The following RALGAPA1 variants were observed in gnomAD, a reference collection of about 807,000 sequenced individuals.
RALGAPA1 encodes the protein ral GTPase-activating protein subunit alpha-1.
RALGAPA1 carries 52 observed loss-of-function variants against 269.6 expected under a neutral mutation model. The observed-to-expected ratio is 0.19, with a 90% CI of 0.15 to 0.24. The LOEUF is 0.24. RALGAPA1 is among the 10% of genes least tolerant of loss of function. RALGAPA1 has a pLI of 1.00. For missense variants in RALGAPA1, 1,917 were observed against 3,013.9 expected, an observed-to-expected ratio of 0.64 and a Z score of 8.52; for synonymous variants, 817 against 1,008.3, an observed-to-expected ratio of 0.81 and a Z score of 3.60.
intron 28 of RALGAPA1, 118 bp downstream of exon 28, chr14:35,659,020 T>A (rs1460381610): frequency 3.9e-6 from 2 of 518,810 alleles, no homozygotes; most frequent in Non-Finnish European, 6.5e-6. Flanking sequence ...AACTTAAAAT[T>A]GTAATTCAGA....
intron 17 of RALGAPA1, among the ~76,000 whole-genome samples, chr14:35,691,413 A>G (rs1025335673): frequency 2.6e-5 from 4 of 152,226 alleles, no homozygotes; most frequent in Non-Finnish European, 5.9e-5. Flanking sequence ...GCAAAATATA[A>G]TGAAGAAAGG....
At chr14:35,622,550 G>A (rs944288221) in intron 35 of RALGAPA1, among the ~76,000 whole-genome samples, 8 of 152,042 alleles carry the variant, frequency 5.3e-5, no homozygotes, top group Non-Finnish European at 1.2e-4. Flanking sequence ...CTTACAATGT[G>A]CCCACAAAAA....
intron 36 of RALGAPA1, among the ~76,000 whole-genome samples, chr14:35,601,347 T>C (rs2059281070): frequency 1.3e-5 from 2 of 152,178 alleles, no homozygotes; most frequent in African/African-American, 4.8e-5. Context: ...GATTTCTACT[T>C]GGCCTTCTCT....
intron 17 of RALGAPA1, among the ~76,000 whole-genome samples, chr14:35,695,484 TCAAATAATAA>T (rs1047631672): frequency 1.9e-4 from 29 of 152,186 alleles, no homozygotes; most frequent in African/African-American, 7.0e-4. Context: ...AGAGCTCAAT[TCAAATAATAA>T]CATATCGTTA....
At chr14:35,752,981 T>C (rs1254297283) in intron 7 of RALGAPA1, among the ~76,000 whole-genome samples, 1 of 152,148 alleles carries the variant, frequency 6.6e-6, no homozygotes, top group Non-Finnish European at 1.5e-5. Context: ...TGAATTAACA[T>C]TAAGATAGAT....
chr14:35,677,637 T>A (rs976873361), intron 22 of RALGAPA1: 1 of 271,454 alleles, frequency 3.7e-6, no homozygotes, highest in African/African-American at 2.3e-5. Flanking sequence ...AAACTAAGAA[T>A]AAGGATGCCA....
intron 4 of RALGAPA1, among the ~76,000 whole-genome samples, 196 bp from the exon 5 acceptor site, chr14:35,762,949 T>C (rs1262915044): frequency 6.6e-6 from 1 of 152,198 alleles, no homozygotes; most frequent in East Asian, 1.9e-4. Flanking sequence ...ACATGCTTTA[T>C]TGCAATTAAA....
At chr14:35,565,354 T>TA (rs1220731351) in intron 39 of RALGAPA1, among the ~76,000 whole-genome samples, 2 of 150,462 alleles carry the variant, frequency 1.3e-5, no homozygotes, top group African/African-American at 4.9e-5. Flanking sequence ...ACATATATTA[T>TA]ACTCTTAATT....
chr14:35,612,828 G>A (rs919690814), intron 35 of RALGAPA1, among the ~76,000 whole-genome samples: 15 of 151,724 alleles, frequency 9.9e-5, no homozygotes, highest in East Asian at 7.8e-4. Flanking sequence ...GTGAGCCACC[G>A]TGCCCGGCCT....
chr14:35,773,626 C>T (rs1054874017), intron 3 of RALGAPA1, among the ~76,000 whole-genome samples: 5 of 152,070 alleles, frequency 3.3e-5, no homozygotes, highest in African/African-American at 9.7e-5. Flanking sequence ...CATTAGCTTG[C>T]TTTCTCTGTG....
At chr14:35,623,472 G>A (rs2060780488) in intron 35 of RALGAPA1, among the ~76,000 whole-genome samples, 1 of 151,846 alleles carries the variant, frequency 6.6e-6, no homozygotes, top group African/African-American at 2.4e-5. Context: ...CTACAAATAT[G>A]TGGAAAATAT....
At chr14:35,645,686 C>T (rs749317700) in intron 31 of RALGAPA1, among the ~76,000 whole-genome samples, 15 of 148,824 alleles carry the variant, frequency 1.0e-4, no homozygotes, top group Admixed American at 4.7e-4. Context: ...GCCGAGATCG[C>T]GCCGGGGCAC....
chr14:35,786,903 C>T (rs185683285), intron 1 of RALGAPA1, among the ~76,000 whole-genome samples: 4 of 152,104 alleles, frequency 2.6e-5, no homozygotes. Context: ...GTTTGTGGGA[C>T]GTACATCTCA....
intron 16 of RALGAPA1, among the ~76,000 whole-genome samples, chr14:35,713,894 G>A (rs2068579906): frequency 6.6e-6 from 1 of 152,090 alleles, no homozygotes; most frequent in African/African-American, 2.4e-5. Flanking sequence ...CCAGGAGTTC[G>A]AGACCAGCCT....
intron 1 of RALGAPA1, among the ~76,000 whole-genome samples, chr14:35,804,614 TAGTG>T (rs942601888): frequency 3.4e-5 from 5 of 146,212 alleles, no homozygotes; most frequent in Admixed American, 6.8e-5. Context: ...AATAAATAAA[TAGTG>T]AGTAACTATT....
chr14:35,745,263 A>T (rs1222583267), intron 10 of RALGAPA1, among the ~76,000 whole-genome samples: 1 of 152,212 alleles, frequency 6.6e-6, no homozygotes, highest in Non-Finnish European at 1.5e-5. Flanking sequence ...GACCTGGAAT[A>T]ATCTTGACAA....
chr14:35,614,264 A>G (rs1566826418), intron 35 of RALGAPA1, among the ~76,000 whole-genome samples: 1 of 152,246 alleles, frequency 6.6e-6, no homozygotes, highest in Non-Finnish European at 1.5e-5. Context: ...AAAACTGTAC[A>G]TGAATGTTCA....
chr14:35,640,094 G>A (rs542179101), intron 31 of RALGAPA1, among the ~76,000 whole-genome samples: 1 of 152,178 alleles, frequency 6.6e-6, no homozygotes, highest in African/African-American at 2.4e-5. Context: ...GCAGTACTAA[G>A]AGGGAAGTTT....
chr14:35,737,052 A>T lies in RALGAPA1; in HGVS notation c.1587+1461T>A, dbSNP rs981570888. On this transcript the variant is annotated intron_variant, in intron 12 of 41. Transcript: ENST00000680220. The stretch of plus-strand genomic sequence containing the variant: ...CTCCATCTCAAAAAAAAAAAAAAAA[A>T]AGTGAATGAATATAATGAACTCCTA... Among the ~76,000 whole-genome samples the T allele has an allele frequency of 2.9e-4, 44 of 151,966 alleles. 1 individual carries two copies. The Middle Eastern group carries it at 0.02, about 70-fold the overall frequency.
Sources: allele counts gnomAD v4.1 joint callset (sites outside exome capture counted in the v4.1 genomes callset), GRCh38; gene constraint gnomAD v4.1.1; transcripts MANE v1.5; gene names NCBI Gene and HGNC (gene_info 2026-07-23, HGNC 2026-07-21).